The following PDZD7 variants were observed in gnomAD, a reference collection of about 807,000 sequenced individuals.
PDZD7 encodes the protein PDZ domain-containing protein 7.
In PDZD7, 72 loss-of-function variants were observed where a neutral mutation model predicts 84.7. The ratio of observed to expected loss-of-function variants is 0.85; its 90% confidence interval spans 0.70 to 1.03. The LOEUF is 1.03. Ranked by LOEUF, PDZD7 falls within the 50% of genes least tolerant of loss-of-function variation. PDZD7 has a pLI of 0.00. For missense variants in PDZD7, 1,490 were observed against 1,412.9 expected (o/e 1.05, Z -0.87); for synonymous variants, 594 against 580.7 (o/e 1.02, Z -0.33).
chr10:101,009,320 T>G lies in PDZD7; in HGVS notation c.2648A>C (p.Lys883Thr). 6.5e-7 allele frequency: 1 copy of G among 1,536,044 alleles called. No homozygotes were observed. Among genetic ancestry groups the G allele is most frequent in the Non-Finnish European group, 8.7e-7 (1 of 1,146,858 alleles). The stretch of plus-strand genomic sequence containing the variant: ...CTCTATCTTCACCATGGGCTGCACC[T>G]TGGACTCAATGCCCCCAGAAATGCT... ...GISISGGIES[K>T]VQPMVKIEKI... The change falls in exon 16 of 17, where the codon AAG becomes ACG. Residue 883 changes from lysine (K) to threonine (T), a missense_variant. Transcript: ENST00000619208.
chr10:101,017,786 CAA>C (rs370482213), intron 9 of PDZD7: 269 of 315,418 alleles, frequency 8.5e-4, no homozygotes, highest in East Asian at 1.5e-3. Flanking sequence ...AACTCCATCT[CAA>C]AAAAAAAAAA....
Position 101,020,623 on chromosome 10 carries a change from T to C in PDZD7, c.923A>G (p.Asp308Gly), listed in dbSNP as rs1853031336. The change falls in exon 7 of 17, where the codon GAC becomes GGC. Residue 308 changes from aspartate to glycine, a missense_variant. Asp to Gly is a moderately conservative substitution (Grantham distance 94). Transcript: ENST00000619208. The part of the protein sequence containing the change: ...KEMVSEYCWL[D>G]RLSNGVLQQL... ...GGGAGATCTGAGCCACTTACGTCGG[T>C]CCAGCCAGCAGTACTCAGAAACCAT... is the stretch of plus-strand genomic sequence containing the variant. 1.9e-6 allele frequency: 3 copies of C among 1,613,530 alleles called. No homozygotes were observed. The highest frequency in any genetic ancestry group is 2.5e-6 in the Non-Finnish European group (3 of 1,179,690).
chr10:101,011,788 G>C, intron 13 of PDZD7, 27 bp from the exon 14 acceptor site: 1 of 1,550,452 alleles, frequency 6.4e-7, no homozygotes, highest in Non-Finnish European at 8.7e-7. Flanking sequence ...ACAGGTCAGC[G>C]GCAAGGTACC....
At position 101,029,994 on chromosome 10, in the gene PDZD7, C is replaced by G. The variant is rs368813546; in HGVS notation, c.226G>C (p.Ala76Pro). 20 of 1,611,888 alleles carry G rather than the reference C, an allele frequency of 1.2e-5. No homozygotes were observed. The highest frequency in any genetic ancestry group is 2.7e-5 in the African/African-American group (2 of 74,888). ...RVILINSPIEANSDESDIIHS... is the reference protein window; with the variant it reads ...RVILINSPIEPNSDESDIIHS... Reference sequence around the variant, plus strand: ...GCCAGTGGCTGGGTCCCGCCCCTACCTTCGATGGGGGAGTTGATGAGGATG... The same window carrying G: ...GCCAGTGGCTGGGTCCCGCCCCTACGTTCGATGGGGGAGTTGATGAGGATG... The change falls in exon 2 of 17, where the codon GCC (alanine) becomes CCC (proline). Residue 76 changes from alanine to proline, a missense_variant and splice_region_variant. Transcript: ENST00000619208.
At chr10:101,023,723 G>T in intron 3 of PDZD7, 113 bp from the exon 4 acceptor site, 1 of 1,457,288 alleles carries the variant, frequency 6.9e-7, no homozygotes, top group Non-Finnish European at 9.4e-7. Context: ...AGTGAGGATT[G>T]TCAGAGCAGG....
rs1470217119 is a variant in PDZD7, at chr10:101,008,708, G to A, written c.2861C>T (p.Pro954Leu). ...TGATGAGTCAGAGGGTGAGGGCCGT[G>A]GGCTGGGCCCGGGGACCCTGACCAC... ...ELVVRVPGPS[P>L]RPSPSDSSAL... Residue 954 changes from proline (P) to leucine (L), a missense_variant, in exon 17 of 17, where the codon CCA becomes CTA. Physicochemically the swap from Pro to Leu is moderately conservative, Grantham distance 98. Coordinates refer to ENST00000619208, the MANE Select transcript of PDZD7 (RefSeq NM_001195263.2). 6.5e-7 allele frequency: 1 copy of A among 1,535,996 alleles called. No homozygotes were observed. Among genetic ancestry groups the A allele is most frequent in the Admixed American group, 2.0e-5 (1 of 50,988 alleles).
At chr10:101,011,658 G>A in intron 14 of PDZD7, 32 bp downstream of exon 14, 1 of 1,536,438 alleles carries the variant, frequency 6.5e-7, no homozygotes, top group South Asian at 1.2e-5. Flanking sequence ...CCAGGGCTGT[G>A]CCCCTCCCTG....
At position 101,012,398 on chromosome 10, in the gene PDZD7, AC is replaced by A. The variant is rs953086919; in HGVS notation, c.1750-141del. ...GCGTGCCTTGGGAAAGGTTCACTCC[AC>A]CCCCAGCTGCCACAGGGTGGTCTGA... is the stretch of plus-strand genomic sequence containing the variant. On this transcript the variant is annotated intron_variant, in intron 11 of 16. Transcript: ENST00000619208. 3.9e-4 allele frequency: 282 copies of A among 724,096 alleles called. 1 individual carries two copies. Among genetic ancestry groups the A allele is most frequent in the Middle Eastern group, 1.8e-3 (7 of 3,794 alleles). 44.9% of individuals were successfully genotyped at this position (724,096 alleles called of 1,614,324 possible).
chr10:101,026,833 C>T (rs1564642522), intron 2 of PDZD7, among the ~76,000 whole-genome samples: 1 of 152,004 alleles, frequency 6.6e-6, no homozygotes, highest in Non-Finnish European at 1.5e-5. Context: ...CCAGGGCTTT[C>T]CCAGCTGATT....
chr10:101,021,059 C>T (rs551971038), intron 6 of PDZD7, among the ~76,000 whole-genome samples: 8 of 152,194 alleles, frequency 5.3e-5, no homozygotes, highest in South Asian at 2.1e-4. Flanking sequence ...GCACAGTGGC[C>T]GGCACATAGT....
rs1031712975 is a variant in PDZD7 at position 101,018,020 on chromosome 10, G to A, written c.1522+79C>T. ...GACTCAGCTGGTAAGACGCGGTGTG[G>A]GATCTCAACTCAGAACTGCTGAATG... is the stretch of plus-strand genomic sequence containing the variant. On this transcript the variant is annotated intron_variant, in intron 9 of 16. Coordinates refer to ENST00000619208, the MANE Select transcript of PDZD7 (RefSeq NM_001195263.2). The A allele has an allele frequency of 5.1e-6, 8 of 1,572,740 alleles. No homozygotes were observed. The Admixed American group carries it at 8.3e-5, about 16-fold the overall frequency.
At chr10:101,018,357 G>A in intron 8 of PDZD7, 61 bp from the exon 9 acceptor site, 1 of 1,574,076 alleles carries the variant, frequency 6.4e-7, no homozygotes, top group South Asian at 1.1e-5. Flanking sequence ...AGGACGAGGG[G>A]CAGGGGTGTG....
chr10:101,009,412 G>T, intron 15 of PDZD7, 62 bp from the exon 16 acceptor site: 1 of 1,325,496 alleles, frequency 7.5e-7, no homozygotes, highest in Non-Finnish European at 1.0e-6. Flanking sequence ...AAGCTCCCTG[G>T]AGAAACCTAG....
chr10:101,011,282 C>T (rs1852385608), intron 14 of PDZD7: 1 of 371,812 alleles, frequency 2.7e-6, no homozygotes, highest in Non-Finnish European at 4.5e-6. Flanking sequence ...CTCAAGCGAT[C>T]CACCCGCCTC....
At chr10:101,012,642 A>AAG (rs1222510527) in intron 11 of PDZD7, among the ~76,000 whole-genome samples, 2 of 152,184 alleles carry the variant, frequency 1.3e-5, no homozygotes, top group Non-Finnish European at 2.9e-5. Flanking sequence ...AGGAAGTGTG[A>AAG]AGAGGGACTG....
At chr10:101,011,574 C>A in intron 14 of PDZD7, 116 bp downstream of exon 14, 1 of 1,473,842 alleles carries the variant, frequency 6.8e-7, no homozygotes, top group South Asian at 1.3e-5. Flanking sequence ...CAGGGAACCA[C>A]AATGTGCCTG....
Position 101,018,223 on chromosome 10 carries a change from C to T in PDZD7, c.1398G>A (p.Thr466=), listed in dbSNP as rs1274699785. ...GEKGALQRSK[T]LMNLFFKGGR... ...CTCCCTTGAAGAAGAGGTTCATCAG[C>T]GTCTTGGAGCGCTGCAGGGCACCCT... Residue 466 remains threonine (T), a synonymous_variant, in exon 9 of 17, where the codon ACG becomes ACA. Transcript: ENST00000619208. 1 of 1,614,094 alleles carries T rather than the reference C, an allele frequency of 6.2e-7. No individual in the cohort carries two copies. Among genetic ancestry groups the T allele is most frequent in the African/African-American group, 1.3e-5 (1 of 74,938 alleles).
chr10:101,010,878 G>T lies in PDZD7; in HGVS notation c.2011C>A (p.Arg671Ser), dbSNP rs925832623. ...RHLITPVPDS[R>S]GGFYLLPVNG... The stretch of plus-strand genomic sequence containing the variant: ...ACCGGCAGCAGGTAGAAGCCTCCGC[G>T]GCTGTCTGGGGAAGAGCGCCAAGGT... Residue 671 changes from arginine to serine, a missense_variant, in exon 15 of 17, where the codon CGC becomes AGC. Transcript: ENST00000619208. 3.1e-5 allele frequency: 48 copies of T among 1,533,612 alleles called. No homozygotes were observed. Among genetic ancestry groups the T allele is most frequent in the Middle Eastern group, 4.4e-4 (2 of 4,596 alleles).
intron 2 of PDZD7, among the ~76,000 whole-genome samples, chr10:101,025,834 A>T (rs918758001): frequency 1.3e-5 from 2 of 152,142 alleles, no homozygotes; most frequent in Non-Finnish European, 2.9e-5. Context: ...GGCGTGAGCC[A>T]CCACACCCGG....
Sources: allele counts gnomAD v4.1 joint callset (sites outside exome capture counted in the v4.1 genomes callset), GRCh38; gene constraint gnomAD v4.1.1; transcripts MANE v1.5; gene names NCBI Gene and HGNC (gene_info 2026-07-23, HGNC 2026-07-21).